PHLPP1: variants seen among roughly 807,000 people sequenced by gnomAD.
PHLPP1 encodes PH domain leucine-rich repeat-containing protein phosphatase 1.
Under a neutral mutation model 117.2 loss-of-function variants are expected in PHLPP1, and 42 were observed. The observed-to-expected ratio is 0.36, with a 90% CI of 0.28 to 0.46. The LOEUF is 0.46. Ranked by LOEUF, PHLPP1 falls within the 20% of genes least tolerant of loss-of-function variation. The pLI, the probability that PHLPP1 is intolerant of heterozygous loss-of-function variation, is 1.00. For missense variants in PHLPP1, 2,084 were observed against 2,241.9 expected, an observed-to-expected ratio of 0.93 and a Z score of 1.42; for synonymous variants, 1,042 against 970.7, an observed-to-expected ratio of 1.07 and a Z score of -1.37.
At chr18:62,828,008 T>TTTTGTGTG (rs1914656033) in intron 1 of PHLPP1, among the ~76,000 whole-genome samples, 1 of 146,668 alleles carries the variant, frequency 6.8e-6, no homozygotes, top group Non-Finnish European at 1.5e-5. Context: ...TTCTTTGCAT[T>TTTTGTGTG]TGTGTGTGTG....
intron 1 of PHLPP1, among the ~76,000 whole-genome samples, chr18:62,772,690 G>A (rs1441428239): frequency 6.6e-6 from 1 of 151,860 alleles, no homozygotes; most frequent in African/African-American, 2.4e-5. Flanking sequence ...AATTAGCTGG[G>A]CGTAGTGGCA....
At chr18:62,862,339 C>T (rs1915654151) in intron 4 of PHLPP1, among the ~76,000 whole-genome samples, 1 of 151,974 alleles carries the variant, frequency 6.6e-6, no homozygotes, top group Admixed American at 6.6e-5. Context: ...CCTTGACCTC[C>T]CAAAGTGCTG....
chr18:62,899,819 A>G (rs980935544), intron 6 of PHLPP1, among the ~76,000 whole-genome samples: 13 of 152,112 alleles, frequency 8.5e-5, no homozygotes, highest in Non-Finnish European at 1.8e-4. Context: ...AAAAGTACAC[A>G]CTACCACACT....
chr18:62,803,848 C>T (rs186314355), intron 1 of PHLPP1, among the ~76,000 whole-genome samples: 44 of 152,252 alleles, frequency 2.9e-4, no homozygotes, highest in Admixed American at 2.6e-3. Flanking sequence ...TCCTTGTCAA[C>T]GTTTGCTATT....
chr18:62,966,011 A>G (rs1910893876), intron 14 of PHLPP1, among the ~76,000 whole-genome samples: 1 of 152,138 alleles, frequency 6.6e-6, no homozygotes, highest in Admixed American at 6.5e-5. Context: ...TGTTTTTCAT[A>G]ATAAATAGAG....
At chr18:62,891,888 C>CAAA (rs574107579) in intron 4 of PHLPP1, among the ~76,000 whole-genome samples, 47 of 79,092 alleles carry the variant, frequency 5.9e-4, no homozygotes, top group East Asian at 1.6e-3. Context: ...GACCCTTTCT[C>CAAA]AAAAAAAAAA....
intron 1 of PHLPP1, among the ~76,000 whole-genome samples, chr18:62,826,025 A>C (rs1220845034): frequency 2.0e-5 from 3 of 152,218 alleles, no homozygotes; most frequent in African/African-American, 4.8e-5. Flanking sequence ...TCATGTTTGG[A>C]ATGTGATTTA....
chr18:62,941,134 C>T (rs1728732523), intron 10 of PHLPP1, among the ~76,000 whole-genome samples: 1 of 152,186 alleles, frequency 6.6e-6, no homozygotes, highest in African/African-American at 2.4e-5. Flanking sequence ...AGCAAATTAT[C>T]TCCTGCACTT....
chr18:62,745,955 A>G (rs1322950187), intron 1 of PHLPP1, among the ~76,000 whole-genome samples: 1 of 152,166 alleles, frequency 6.6e-6, no homozygotes, highest in Non-Finnish European at 1.5e-5. Context: ...TGAATTGCTG[A>G]CCACTGGATT....
intron 1 of PHLPP1, among the ~76,000 whole-genome samples, chr18:62,811,972 T>G (rs1289571578): frequency 1.3e-5 from 2 of 152,208 alleles, no homozygotes; most frequent in Non-Finnish European, 2.9e-5. Flanking sequence ...GTTTTGCTCT[T>G]GGAATTTTTG....
intron 1 of PHLPP1, among the ~76,000 whole-genome samples, chr18:62,775,226 T>C (rs1178345468): frequency 6.6e-6 from 1 of 152,036 alleles, no homozygotes; most frequent in Non-Finnish European, 1.5e-5. Context: ...GCCTCCTGAG[T>C]AGCTGGGATT....
At chr18:62,850,410 T>G (rs1915316089) in intron 3 of PHLPP1, among the ~76,000 whole-genome samples, 1 of 150,022 alleles carries the variant, frequency 6.7e-6, no homozygotes. Context: ...GGAAAACAAG[T>G]AGTTCATTTC....
Position 62,978,420 on chromosome 18 carries a change from C to G in PHLPP1, c.4143C>G (p.Ser1381=). 6.2e-7 allele frequency: 1 copy of G among 1,612,056 alleles called. No homozygotes were observed. The highest frequency in any genetic ancestry group is 8.5e-7 in the Non-Finnish European group (1 of 1,179,132). Residue 1381 remains serine, a synonymous_variant, in exon 17 of 17, where the codon TCC becomes TCG. Coordinates refer to ENST00000262719, the MANE Select transcript of PHLPP1 (RefSeq NM_194449.4). The surrounding 1 kb of genome is among the most constrained non-coding windows in gnomAD (Gnocchi z 7.0). ...GTAAGGGGTTGTGGGACAGCCTGTC[C>G]GTCGAGGAGGCCGTGGAAGCCGTGC... ...LGSKGLWDSL[S]VEEAVEAVRN... is the part of the protein sequence containing the mutation.
chr18:62,915,488 G>A (rs976930470), intron 9 of PHLPP1, among the ~76,000 whole-genome samples: 1 of 151,976 alleles, frequency 6.6e-6, no homozygotes, highest in Non-Finnish European at 1.5e-5. Flanking sequence ...GTGAAATTTG[G>A]GAGTAGAAGG....
intron 1 of PHLPP1, among the ~76,000 whole-genome samples, chr18:62,806,970 T>C (rs1740677433): frequency 1.3e-5 from 2 of 152,208 alleles, no homozygotes; most frequent in Admixed American, 1.3e-4. Context: ...AGTATGTTAT[T>C]CAAAATTTGT....
chr18:62,936,018 T>C (rs934078846), intron 10 of PHLPP1, among the ~76,000 whole-genome samples: 1 of 152,034 alleles, frequency 6.6e-6, no homozygotes, highest in Non-Finnish European at 1.5e-5. Flanking sequence ...AAAATAAAAT[T>C]AAATAAAAAG....
At chr18:62,891,047 G>A (rs150498906) in intron 4 of PHLPP1, among the ~76,000 whole-genome samples, 53 of 152,272 alleles carry the variant, frequency 3.5e-4, no homozygotes, top group African/African-American at 1.2e-3. Flanking sequence ...GGAAGCACCA[G>A]TTAAATTTGA....
chr18:62,858,719 C>T (rs181552517), intron 3 of PHLPP1, among the ~76,000 whole-genome samples: 9 of 152,218 alleles, frequency 5.9e-5, no homozygotes, highest in South Asian at 4.1e-4. Context: ...TCAACCTAGC[C>T]TAGTAGTTTG....
At chr18:62,842,347 T>A (rs114202122) in intron 3 of PHLPP1, among the ~76,000 whole-genome samples, 1,693 of 152,126 alleles carry the variant, frequency 0.011, 31 homozygotes, top group African/African-American at 0.039. Context: ...ACAGAGGGTG[T>A]TACATTTTAG....
Sources: allele counts gnomAD v4.1 joint callset (sites outside exome capture counted in the v4.1 genomes callset), GRCh38; gene constraint gnomAD v4.1.1; non-coding constraint Gnocchi (gnomAD v3.1); transcripts MANE v1.5; gene names NCBI Gene and HGNC (gene_info 2026-07-23, HGNC 2026-07-21).